The following CTNND2 variants were observed in gnomAD, a reference collection of about 807,000 sequenced individuals.
CTNND2 encodes catenin delta-2.
A neutral mutation model predicts 144.4 loss-of-function variants in CTNND2; 22 were observed. The ratio of observed to expected loss-of-function variants is 0.15; its 90% CI spans 0.11 to 0.22. CTNND2 has a LOEUF of 0.22. Among genes scored for constraint, CTNND2 ranks in the 10% least tolerant of loss-of-function variants. CTNND2 has a pLI of 1.00. For synonymous variants in CTNND2, 751 were observed against 695.6 expected, an observed-to-expected ratio of 1.08 and a Z score of -1.25; for missense variants, 1,353 against 1,618.8, an observed-to-expected ratio of 0.84 and a Z score of 2.82.
chr5:11,540,028 G>A (rs565368333), intron 3 of CTNND2, among the ~76,000 whole-genome samples: 17 of 151,528 alleles, frequency 1.1e-4, no homozygotes, highest in South Asian at 4.2e-4. Flanking sequence ...AACAAGACTC[G>A]GCCTCAAAAA....
chr5:11,510,877 G>T lies in CTNND2; in HGVS notation c.287+54067C>A, dbSNP rs1011541434. 2.6e-5 allele frequency among the ~76,000 whole-genome samples: 4 copies of T among 151,828 alleles called. No homozygotes were observed. In the South Asian group the frequency reaches 8.3e-4, roughly 32 times the overall value. On this transcript the variant is annotated intron_variant, in intron 3 of 21. Coordinates refer to ENST00000304623, the MANE Select transcript of CTNND2 (RefSeq NM_001332.4). ...ACCCAAGAGGCGGAGGTTGCAGTGA[G>T]CCGAGATTGAGCTACTGCACCCTAG... is the stretch of plus-strand genomic sequence containing the variant.
At chr5:11,107,056 C>T (rs1474118610) in intron 14 of CTNND2, among the ~76,000 whole-genome samples, 2 of 152,192 alleles carry the variant, frequency 1.3e-5, no homozygotes, top group East Asian at 1.9e-4. Flanking sequence ...AGTGGAAATA[C>T]ACTTACTAAC....
intron 1 of CTNND2, among the ~76,000 whole-genome samples, chr5:11,819,429 C>G (rs1375003054): frequency 3.3e-5 from 5 of 150,310 alleles, no homozygotes; most frequent in Non-Finnish European, 5.9e-5. Context: ...AGCAAGATTC[C>G]AAGACAGACA....
At chr5:11,592,295 C>T (rs1303100988) in intron 2 of CTNND2, among the ~76,000 whole-genome samples, 2 of 151,678 alleles carry the variant, frequency 1.3e-5, no homozygotes, top group East Asian at 3.9e-4. Flanking sequence ...TTTCTGCCTT[C>T]CTTCCTTTCT....
intron 3 of CTNND2, among the ~76,000 whole-genome samples, chr5:11,544,456 G>A (rs914495701): frequency 6.6e-6 from 1 of 152,150 alleles, no homozygotes; most frequent in Admixed American, 6.5e-5. Context: ...ATTTACTCAA[G>A]AAAAAGTAAC....
intron 9 of CTNND2, among the ~76,000 whole-genome samples, chr5:11,341,105 C>G (rs1416774299): frequency 6.6e-6 from 1 of 152,128 alleles, no homozygotes; most frequent in African/African-American, 2.4e-5. Flanking sequence ...CTGTTGGGCC[C>G]AGAAGTGACA....
chr5:11,569,021 T>C (rs1338893050), intron 2 of CTNND2, among the ~76,000 whole-genome samples: 1 of 152,190 alleles, frequency 6.6e-6, no homozygotes, highest in Non-Finnish European at 1.5e-5. Flanking sequence ...ATTTGCAGAA[T>C]AGAAGAAACA....
intron 2 of CTNND2, among the ~76,000 whole-genome samples, chr5:11,612,918 A>C (rs1201308549): frequency 6.6e-6 from 1 of 152,144 alleles, no homozygotes; most frequent in Admixed American, 6.6e-5. Flanking sequence ...TAAATAAATA[A>C]AATAAAATAT....
At chr5:11,202,912 C>A (rs1737621095) in intron 10 of CTNND2, among the ~76,000 whole-genome samples, 1 of 152,178 alleles carries the variant, frequency 6.6e-6, no homozygotes, top group Admixed American at 6.5e-5. Context: ...TCAAGCAATT[C>A]TCCTTTCTCA....
intron 9 of CTNND2, among the ~76,000 whole-genome samples, chr5:11,309,862 A>G (rs114351204): frequency 1.2e-3 from 176 of 152,118 alleles, no homozygotes; most frequent in African/African-American, 4.1e-3. Context: ...CTCTAGTGAT[A>G]ATCATTGAGT....
At chr5:11,544,287 T>C (rs902075241) in intron 3 of CTNND2, among the ~76,000 whole-genome samples, 1 of 152,034 alleles carries the variant, frequency 6.6e-6, no homozygotes, top group African/African-American at 2.4e-5. Context: ...ATTGAACTTC[T>C]AGAAATGAAA....
At chr5:11,078,985 G>A (rs1306557916) in intron 16 of CTNND2, among the ~76,000 whole-genome samples, 1 of 152,216 alleles carries the variant, frequency 6.6e-6, no homozygotes, top group African/African-American at 2.4e-5. Context: ...TGGCCTTGCA[G>A]TGAATAAATA....
intron 1 of CTNND2, among the ~76,000 whole-genome samples, chr5:11,743,718 G>A: frequency 6.6e-6 from 1 of 152,144 alleles, no homozygotes; most frequent in East Asian, 1.9e-4. Context: ...TGCTGCTGTA[G>A]TGGAAGATGT....
chr5:11,210,178 C>T (rs1738482362), intron 10 of CTNND2, among the ~76,000 whole-genome samples: 2 of 152,088 alleles, frequency 1.3e-5, no homozygotes, highest in Non-Finnish European at 2.9e-5. Context: ...GTGCAGATCA[C>T]TTGAGGTCAG....
chr5:11,608,298 C>T (rs1264069755), intron 2 of CTNND2, among the ~76,000 whole-genome samples: 2 of 152,190 alleles, frequency 1.3e-5, no homozygotes, highest in Admixed American at 1.3e-4. Flanking sequence ...TCATCTCCAA[C>T]TCTGCCCTCC....
At chr5:11,342,734 G>GT (rs1754403073) in intron 9 of CTNND2, among the ~76,000 whole-genome samples, 1 of 152,034 alleles carries the variant, frequency 6.6e-6, no homozygotes, top group East Asian at 1.9e-4. Context: ...GTCTTGCTGT[G>GT]TTTTTTTCCA....
At chr5:11,609,676 A>G (rs1218639160) in intron 2 of CTNND2, among the ~76,000 whole-genome samples, 2 of 152,204 alleles carry the variant, frequency 1.3e-5, no homozygotes, top group Non-Finnish European at 2.9e-5. Flanking sequence ...GACAAGTGAA[A>G]CAACACAAAG....
Position 11,817,594 on chromosome 5 carries a change from C to T in CTNND2, c.38-85322G>A, listed in dbSNP as rs901659355. ...GGGGGAAGCGGAGGGGACAGCTTTG[C>T]GGGGCAGCTGTGGTGGAAATTCTGA... On this transcript the variant is annotated intron_variant, in intron 1 of 21. Transcript: ENST00000304623. Among the ~76,000 whole-genome samples the T allele has an allele frequency of 4.2e-4, 64 of 151,858 alleles. 1 individual carries two copies. The highest frequency in any genetic ancestry group is 1.4e-3 in the African/African-American group (56 of 41,422).
At chr5:11,839,644 T>C (rs1203004824) in intron 1 of CTNND2, among the ~76,000 whole-genome samples, 5 of 152,020 alleles carry the variant, frequency 3.3e-5, no homozygotes, top group Non-Finnish European at 1.5e-5. Flanking sequence ...CTTGGGCGCC[T>C]CTCCCAATCT....
Sources: allele counts gnomAD v4.1 joint callset (sites outside exome capture counted in the v4.1 genomes callset), GRCh38; gene constraint gnomAD v4.1.1; transcripts MANE v1.5; gene names NCBI Gene and HGNC (gene_info 2026-07-23, HGNC 2026-07-21).